Variants in CTNNA1 observed in about 807,000 individuals in gnomAD.
CTNNA1 encodes the protein catenin alpha 1, also known as catenin alpha-1.
Under a neutral mutation model 98.4 loss-of-function variants are expected in CTNNA1, and 37 were observed. The observed-to-expected ratio is 0.38, with a 90% CI of 0.29 to 0.49. The LOEUF (loss-of-function observed/expected upper bound fraction) is 0.49, where lower values mean the gene tolerates loss of function less well. CTNNA1 is among the 20% of genes least tolerant of loss of function. The probability of loss-of-function intolerance (pLI) is 0.95; values close to 1 mark genes in which losing one functional copy is unlikely to be tolerated. For missense variants in CTNNA1, 761 were observed against 1,147.2 expected (o/e 0.66, Z 4.86); for synonymous variants, 404 against 413.2 (o/e 0.98, Z 0.27).
In CTNNA1 at chr5:138,873,600, C is replaced by T; in HGVS notation, c.1063-12612C>T. ...AAACTGCCCAGCCAGGAGGCCAGAGCACATATTCGGGCGCTGCATTCCCAC... is the reference window on the plus strand; with the variant it reads ...AAACTGCCCAGCCAGGAGGCCAGAGTACATATTCGGGCGCTGCATTCCCAC... On this transcript the variant is annotated intron_variant, in intron 7 of 17. Transcript: ENST00000302763. The surrounding 1 kb of genome is among the most constrained non-coding windows in gnomAD (Gnocchi z 6.1). 1.2e-6 allele frequency: 2 copies of T among 1,613,980 alleles called. No homozygotes were observed. Among genetic ancestry groups the T allele is most frequent in the Non-Finnish European group, 1.7e-6 (2 of 1,179,886 alleles).
chr5:138,862,647 T>C (rs957482139), intron 7 of CTNNA1, among the ~76,000 whole-genome samples: 5 of 152,084 alleles, frequency 3.3e-5, no homozygotes, highest in African/African-American at 1.2e-4. Context: ...TAATATCATA[T>C]CTAATATTAT....
At chr5:138,782,415 T>A (rs112849585) in intron 2 of CTNNA1, 4 of 408,304 alleles carry the variant, frequency 9.8e-6, no homozygotes. Context: ...TAATTCAACT[T>A]GAGGGTTTAG....
intron 1 of CTNNA1, among the ~76,000 whole-genome samples, chr5:138,757,623 C>T (rs368800640): frequency 2.0e-5 from 3 of 152,250 alleles, no homozygotes; most frequent in Admixed American, 1.3e-4. Flanking sequence ...TTTTTTAGCA[C>T]TGGGTGGTGC....
chr5:138,771,285 G>A (rs1753526489), intron 1 of CTNNA1, among the ~76,000 whole-genome samples: 1 of 151,898 alleles, frequency 6.6e-6, no homozygotes, highest in Non-Finnish European at 1.5e-5. Flanking sequence ...TTGTAGCACA[G>A]CAGTTCCAAC....
intron 3 of CTNNA1, among the ~76,000 whole-genome samples, chr5:138,797,282 A>G (rs566626851): frequency 1.8e-4 from 28 of 152,366 alleles, no homozygotes; most frequent in Middle Eastern, 6.8e-3. Context: ...TAAACAATAA[A>G]CAATCACCCA....
chr5:138,926,872 G>A (rs1179235759), intron 13 of CTNNA1, among the ~76,000 whole-genome samples: 1 of 152,142 alleles, frequency 6.6e-6, no homozygotes, highest in African/African-American at 2.4e-5. Flanking sequence ...ACTCTCCTAA[G>A]TTCCACACCT....
chr5:138,853,403 G>A (rs1372033308), intron 7 of CTNNA1, among the ~76,000 whole-genome samples: 2 of 151,588 alleles, frequency 1.3e-5, no homozygotes, highest in African/African-American at 4.8e-5. Context: ...CTTTGCCGGA[G>A]CTCTTGGTAT....
intron 7 of CTNNA1, among the ~76,000 whole-genome samples, chr5:138,831,696 A>G (rs1014751812): frequency 5.9e-5 from 9 of 152,128 alleles, no homozygotes; most frequent in Admixed American, 2.0e-4. Flanking sequence ...GCCTTATTGT[A>G]TACTCCCTTG....
chr5:138,918,413 TC>T (rs757425582), intron 11 of CTNNA1, among the ~76,000 whole-genome samples: 36 of 152,204 alleles, frequency 2.4e-4, no homozygotes, highest in Non-Finnish European at 1.2e-4. Flanking sequence ...CTCTTCTGTC[TC>T]TCAGAAATGA....
At chr5:138,827,963 T>A (rs1369204486) in intron 7 of CTNNA1, 2 of 504,650 alleles carry the variant, frequency 4.0e-6, no homozygotes, top group Non-Finnish European at 7.2e-6. Context: ...TTTATCTGTA[T>A]TCATCAATTA....
At chr5:138,904,303 C>T (rs915392390) in intron 9 of CTNNA1, 46 bp from the exon 10 acceptor site, 1 of 1,574,536 alleles carries the variant, frequency 6.4e-7, no homozygotes, top group Non-Finnish European at 8.6e-7. Flanking sequence ...TTTTCCTTAG[C>T]AGTCAAAAGA....
intron 6 of CTNNA1, among the ~76,000 whole-genome samples, chr5:138,826,801 G>A (rs780788791): frequency 6.6e-6 from 1 of 152,182 alleles, no homozygotes; most frequent in African/African-American, 2.4e-5. Context: ...GTGCGCACAC[G>A]TGTATATATT....
intron 13 of CTNNA1, among the ~76,000 whole-genome samples, chr5:138,926,507 A>ATTT (rs1764080708): frequency 1.4e-5 from 2 of 146,420 alleles, no homozygotes; most frequent in Non-Finnish European, 3.0e-5. Context: ...TGTTTGGCCC[A>ATTT]CTTGCCGATT....
intron 6 of CTNNA1, among the ~76,000 whole-genome samples, chr5:138,825,377 T>C (rs1418003685): frequency 6.6e-6 from 1 of 152,078 alleles, no homozygotes; most frequent in Non-Finnish European, 1.5e-5. Context: ...ATGCGCTAGG[T>C]CTGTCCTGTG....
At chr5:138,774,272 A>G (rs1753849378) in intron 1 of CTNNA1, among the ~76,000 whole-genome samples, 1 of 151,902 alleles carries the variant, frequency 6.6e-6, no homozygotes, top group Non-Finnish European at 1.5e-5. Context: ...TGATTTTCCC[A>G]TCGTGGCCTC....
rs2150295733 is a variant in CTNNA1 at position 138,925,383 on chromosome 5, C to G, written c.1875C>G (p.Ile625Met). The G allele has an allele frequency of 1.2e-6, 2 of 1,614,164 alleles. No individual in the cohort carries two copies. The highest frequency in any genetic ancestry group is 1.7e-6 in the Non-Finnish European group (2 of 1,180,024). Residue 625 changes from isoleucine (I) to methionine (M), a missense_variant, in exon 13 of 18, where the codon ATC (isoleucine) becomes ATG (methionine). By Grantham distance (10) the Ile-to-Met change is conservative (BLOSUM62 1). Transcript: ENST00000302763. Reference protein sequence around the residue: ...SRLVYDGIRDIRKAVLMIRTP... With the variant: ...SRLVYDGIRDMRKAVLMIRTP... ...TGGTATATGATGGCATCCGGGACAT[C>G]AGGAAAGCAGTGCTGATGATAAGGG...
intron 13 of CTNNA1, among the ~76,000 whole-genome samples, chr5:138,927,745 TGA>T (rs1342569602): frequency 1.3e-5 from 2 of 151,458 alleles, no homozygotes; most frequent in African/African-American, 2.4e-5. Context: ...AATGAATGAA[TGA>T]GAGTACTCGG....
In CTNNA1 at chr5:138,827,496, G is replaced by A. The variant is rs188054214; in HGVS notation, c.859-19G>A. On this transcript the variant is annotated intron_variant, in intron 6 of 17. Transcript: ENST00000302763. ...GGAACAGAGATGAGTACTAACATTCGGTAATACTTTCTCTGCAGAAACAAA... is the reference window on the plus strand; with the variant it reads ...GGAACAGAGATGAGTACTAACATTCAGTAATACTTTCTCTGCAGAAACAAA... The A allele has an allele frequency of 2.5e-5, 40 of 1,613,164 alleles. No homozygotes were observed. Among genetic ancestry groups the A allele is most frequent in the African/African-American group, 8.0e-5 (6 of 75,038 alleles).
intron 10 of CTNNA1, chr5:138,904,754 T>A: frequency 4.2e-6 from 1 of 235,368 alleles, no homozygotes; most frequent in Non-Finnish European, 8.2e-6. Context: ...CCCAGGAATC[T>A]GAGACCAGCC....
Sources: allele counts gnomAD v4.1 joint callset (sites outside exome capture counted in the v4.1 genomes callset), GRCh38; gene constraint gnomAD v4.1.1; non-coding constraint Gnocchi (gnomAD v3.1); transcripts MANE v1.5; gene names NCBI Gene and HGNC (gene_info 2026-07-23, HGNC 2026-07-21).